KCNH2: variants seen among roughly 807,000 people sequenced by gnomAD.
KCNH2 encodes the protein voltage-gated inwardly rectifying potassium channel KCNH2.
In KCNH2, 35 loss-of-function variants were observed where a neutral mutation model predicts 95.9. The observed-to-expected ratio is 0.37, with a 90% CI of 0.28 to 0.48. KCNH2 has a LOEUF of 0.48. KCNH2 is among the 20% of genes least tolerant of loss of function. The pLI, the probability that KCNH2 is intolerant of heterozygous loss-of-function variation, is 0.99. For synonymous variants in KCNH2, 786 were observed against 754.7 expected (o/e 1.04, Z -0.68); for missense variants, 1,274 against 1,702.9 (o/e 0.75, Z 4.43).
rs1483951475 is a variant in KCNH2 at position 150,977,930 on chromosome 7, G to A, written c.-17C>T. 3.8e-6 allele frequency: 6 copies of A among 1,577,438 alleles called. No homozygotes were observed. Among genetic ancestry groups the A allele is most frequent in the East Asian group, 2.3e-5 (1 of 42,760 alleles). ...CACCGGCATCCTGAGCCCATGGGCGGGCCGGGCGGGCCCCCACCCACCCCG... is the reference window on the plus strand; with the variant it reads ...CACCGGCATCCTGAGCCCATGGGCGAGCCGGGCGGGCCCCCACCCACCCCG... On this transcript the variant is annotated 5_prime_UTR_variant, in exon 1 of 15. Coordinates refer to ENST00000262186, the MANE Select transcript of KCNH2 (RefSeq NM_000238.4).
intron 2 of KCNH2, among the ~76,000 whole-genome samples, chr7:150,970,411 G>A (rs771269270): frequency 2.0e-4 from 30 of 151,846 alleles, no homozygotes; most frequent in Non-Finnish European, 2.9e-4. Context: ...GACGCAACAC[G>A]GAGAAGCCGC....
At chr7:150,970,868 G>A (rs1248510013) in intron 2 of KCNH2, among the ~76,000 whole-genome samples, 1 of 152,170 alleles carries the variant, frequency 6.6e-6, no homozygotes, top group East Asian at 1.9e-4. Flanking sequence ...GCTCTGGTCT[G>A]CCTCCTATCT....
At chr7:150,970,593 G>C (rs1242053575) in intron 2 of KCNH2, among the ~76,000 whole-genome samples, 1 of 152,158 alleles carries the variant, frequency 6.6e-6, no homozygotes, top group Non-Finnish European at 1.5e-5. Flanking sequence ...CCCTCCAACA[G>C]GCCTCTGATC....
chr7:150,966,317 A>G (rs2117035500), intron 2 of KCNH2, among the ~76,000 whole-genome samples: 1 of 151,710 alleles, frequency 6.6e-6, no homozygotes, highest in East Asian at 2.0e-4. Context: ...CCCTGTCCCA[A>G]TTCCAGCTCT....
chr7:150,953,425 C>G (rs995583315), intron 5 of KCNH2, among the ~76,000 whole-genome samples: 1 of 152,208 alleles, frequency 6.6e-6, no homozygotes, highest in African/African-American at 2.4e-5. Flanking sequence ...CCTCAGCCCC[C>G]TCTCCACACA....
intron 2 of KCNH2, among the ~76,000 whole-genome samples, chr7:150,966,782 G>A (rs889020452): frequency 4.6e-5 from 7 of 152,162 alleles, no homozygotes; most frequent in South Asian, 2.1e-4. Context: ...TGTTGGAGTC[G>A]GGGCAAAAGG....
rs753966347 is a variant in KCNH2, at chr7:150,950,974, C to T, written c.2092G>A (p.Glu698Lys). ...GACCAGGCGTGCTGGAAGTACTCCTCGAGGCGCTGGCGCAGGGGATTGGGG... is the reference window on the plus strand; with the variant it reads ...GACCAGGCGTGCTGGAAGTACTCCTTGAGGCGCTGGCGCAGGGGATTGGGG... ...QIPNPLRQRL[E>K]EYFQHAWSYT... is the part of the protein sequence containing the mutation. The change falls in exon 8 of 15, where the codon GAG becomes AAG. Residue 698 changes from glutamate to lysine, a missense_variant. By Grantham distance (56) the Glu-to-Lys change is moderately conservative. This residue lies in a region of KCNH2 where 159 missense variants were observed against 282.5 expected (regional missense o/e 0.56). Transcript: ENST00000262186. 1.8e-5 allele frequency: 29 copies of T among 1,614,124 alleles called. No homozygotes were observed. The highest frequency in any genetic ancestry group is 2.2e-5 in the Non-Finnish European group (26 of 1,180,056).
intron 2 of KCNH2, among the ~76,000 whole-genome samples, chr7:150,973,146 G>C (rs1329140558): frequency 6.6e-6 from 1 of 152,218 alleles, no homozygotes. Flanking sequence ...CATTGTCTTA[G>C]ACACAAACCC....
chr7:150,955,182 G>A (rs965941530), intron 5 of KCNH2, among the ~76,000 whole-genome samples: 7 of 152,232 alleles, frequency 4.6e-5, no homozygotes, highest in South Asian at 2.1e-4. Flanking sequence ...GCACAGGAGC[G>A]GGGAAGTCCC....
intron 2 of KCNH2, among the ~76,000 whole-genome samples, chr7:150,963,670 C>A (rs1373972475): frequency 6.6e-6 from 1 of 151,690 alleles, no homozygotes; most frequent in Non-Finnish European, 1.5e-5. Context: ...GTTCTCCCTG[C>A]CTGGCCCAGT....
intron 1 of KCNH2, among the ~76,000 whole-genome samples, chr7:150,976,130 G>A (rs188083845): frequency 1.3e-5 from 2 of 152,334 alleles, no homozygotes; most frequent in Admixed American, 1.3e-4. Flanking sequence ...TAATGCTGGG[G>A]CTTTCAGTAG....
At position 150,955,667 on chromosome 7, in the gene KCNH2, C is replaced by G. The variant is rs186471515; in HGVS notation, c.1128+1624G>C. On this transcript the variant is annotated intron_variant, in intron 5 of 14. Coordinates refer to ENST00000262186, the MANE Select transcript of KCNH2 (RefSeq NM_000238.4). Reference sequence around the variant, plus strand: ...TGAAGCCAGGGTGGTTGTGGCTGGGCCCCAGGGCTGGGGTCACCCTGGCAG... The same window carrying G: ...TGAAGCCAGGGTGGTTGTGGCTGGGGCCCAGGGCTGGGGTCACCCTGGCAG... 2.1e-6 allele frequency: 3 copies of G among 1,403,842 alleles called. No individual in the cohort carries two copies. The African/African-American group carries it at 4.4e-5, about 21-fold the overall frequency. The allele number at this position is 1,403,842 out of a possible 1,614,324, so 87.0% of individuals were successfully genotyped here. A position where few individuals can be genotyped will look rare whatever the true frequency, so the allele number is the denominator to read the frequency against.
chr7:150,975,129 G>A (rs1184291932), intron 1 of KCNH2, among the ~76,000 whole-genome samples, 188 bp from the exon 2 acceptor site: 5 of 149,838 alleles, frequency 3.3e-5, no homozygotes, highest in East Asian at 1.9e-4. Flanking sequence ...TGCCTGGCCG[G>A]CCGGGCCGCG....
At position 150,957,285 on chromosome 7, in the gene KCNH2, G is replaced by A. The variant is rs746127862; in HGVS notation, c.1128+6C>T. Reference sequence around the variant, plus strand: ...TGAGAGGAGAGCCCGGCCGCTGGGCGCCTACCTGGGTGACCTTCTCAGTGA... The same window carrying A: ...TGAGAGGAGAGCCCGGCCGCTGGGCACCTACCTGGGTGACCTTCTCAGTGA... On this transcript the variant is annotated splice_donor_region_variant and intron_variant, in intron 5 of 14. Coordinates refer to ENST00000262186, the MANE Select transcript of KCNH2 (RefSeq NM_000238.4). 22 of 1,560,810 alleles carry A rather than the reference G, an allele frequency of 1.4e-5. No individual in the cohort carries two copies. The highest frequency in any genetic ancestry group is 7.2e-5 in the East Asian group (3 of 41,878).
chr7:150,977,900 C>A lies in KCNH2; in HGVS notation c.14G>T (p.Arg5Met). MPVR[R>M]GHVAPQNTFL... ...GGTGTTCTGCGGCGCGACGTGGCCC[C>A]TCCGCACCGGCATCCTGAGCCCATG... The change falls in exon 1 of 15, where the codon AGG (arginine) becomes ATG (methionine). Residue 5 changes from arginine (R) to methionine (M), a missense_variant. Arg to Met is a moderately conservative substitution (Grantham distance 91, BLOSUM62 -1). This residue lies in a region of KCNH2 where 29 missense variants were observed against 25.2 expected (regional missense o/e 1.15). Coordinates refer to ENST00000262186, the MANE Select transcript of KCNH2 (RefSeq NM_000238.4). 6.2e-7 allele frequency: 1 copy of A among 1,605,924 alleles called. No homozygotes were observed. The highest frequency in any genetic ancestry group is 8.5e-7 in the Non-Finnish European group (1 of 1,177,450).
rs536829589 is a variant in KCNH2 at position 150,977,512 on chromosome 7, C to T, written c.76+326G>A. On this transcript the variant is annotated intron_variant, in intron 1 of 14. Coordinates refer to ENST00000262186, the MANE Select transcript of KCNH2 (RefSeq NM_000238.4). Reference sequence around the variant, plus strand: ...CCTTGCACACAGCCCCATCCACGTCCACGCACCCAGAGTTGGGGACACCTG... The same window carrying T: ...CCTTGCACACAGCCCCATCCACGTCTACGCACCCAGAGTTGGGGACACCTG... Among the ~76,000 whole-genome samples the T allele has an allele frequency of 4.6e-5, 7 of 152,274 alleles. No individual in the cohort carries two copies. In the East Asian group the frequency reaches 1.4e-3, roughly 29 times the overall value.
chr7:150,950,978 G>A lies in KCNH2; in HGVS notation c.2088C>T (p.Arg696=). 2 of 1,614,258 alleles carry A rather than the reference G, an allele frequency of 1.2e-6. No homozygotes were observed. The highest frequency in any genetic ancestry group is 1.7e-6 in the Non-Finnish European group (2 of 1,180,044). The change falls in exon 8 of 15, where the codon CGC becomes CGT. Residue 696 remains arginine (R), a synonymous_variant. Transcript: ENST00000262186. The part of the protein sequence containing the change: ...FHQIPNPLRQ[R]LEEYFQHAWS... ...AGGCGTGCTGGAAGTACTCCTCGAG[G>A]CGCTGGCGCAGGGGATTGGGGATCT...
intron 9 of KCNH2, chr7:150,949,409 T>C (rs897611155): frequency 1.8e-5 from 2 of 109,508 alleles, no homozygotes; most frequent in Admixed American, 1.4e-4. Flanking sequence ...AAAACCAGCA[T>C]TTTTTTTTTT....
chr7:150,957,564 C>G lies in KCNH2; in HGVS notation c.917-62G>C, dbSNP rs1461910479. On this transcript the variant is annotated intron_variant, in intron 4 of 14. Transcript: ENST00000262186. ...AGGGCCCCAGGCCAGGCAGGCCACC[C>G]ATAGATCGAGAGTGGAGACCAGGCC... is the stretch of plus-strand genomic sequence containing the variant. The G allele has an allele frequency of 1.5e-5, 20 of 1,290,350 alleles. No individual in the cohort carries two copies. In the Admixed American group the frequency reaches 3.5e-4, roughly 23 times the overall value. The allele number at this position is 1,290,350 out of a possible 1,614,324, so 79.9% of individuals were successfully genotyped here.
Sources: gnomAD v4.1 joint callset for allele counts (sites outside exome capture counted in the v4.1 genomes callset) on GRCh38, gnomAD v4.1.1 for gene constraint, gnomAD v4.1.1 regional missense constraint, MANE v1.5 for transcripts, NCBI Gene and HGNC (gene_info 2026-07-23, HGNC 2026-07-21) for gene names.